The following OMA1 variants were observed in gnomAD, a reference collection of about 807,000 sequenced individuals.
OMA1 encodes the protein OMA1 zinc metallopeptidase, also known as metalloendopeptidase OMA1, mitochondrial.
Under a neutral mutation model 30.9 loss-of-function variants are expected in OMA1, and 38 were observed. The observed-to-expected ratio is 1.23, with a 90% confidence interval of 0.95 to 1.61. The LOEUF (loss-of-function observed/expected upper bound fraction) is 1.61. Ranked by LOEUF, OMA1 falls within the 40% of genes most tolerant of loss-of-function variation. The pLI, the probability that OMA1 is intolerant of heterozygous loss-of-function variation, is 0.00. For missense variants in OMA1, 461 were observed against 349.2 expected (o/e 1.32, Z -2.55); for synonymous variants, 173 against 121.9 (o/e 1.42, Z -2.76).
chr1:58,539,489 A>G (rs534372684), intron 1 of OMA1, among the ~76,000 whole-genome samples, 179 bp from the exon 2 acceptor site: 25 of 152,224 alleles, frequency 1.6e-4, no homozygotes, highest in Middle Eastern at 3.2e-3. Flanking sequence ...ACCAGAGTAT[A>G]TATACCACGA....
At chr1:58,485,440 G>A (rs1645561233) in intron 8 of OMA1, among the ~76,000 whole-genome samples, 1 of 151,796 alleles carries the variant, frequency 6.6e-6, no homozygotes, top group Non-Finnish European at 1.5e-5. Flanking sequence ...AACACTATAT[G>A]TTCTTCATAC....
chr1:58,535,271 C>CT (rs1481450190), intron 3 of OMA1, among the ~76,000 whole-genome samples: 2 of 152,114 alleles, frequency 1.3e-5, no homozygotes, highest in African/African-American at 4.8e-5. Flanking sequence ...TGAAATATTA[C>CT]TTTAACTTTC....
At chr1:58,526,012 A>G (rs959600992) in intron 7 of OMA1, among the ~76,000 whole-genome samples, 6 of 152,098 alleles carry the variant, frequency 3.9e-5, no homozygotes, top group Non-Finnish European at 8.8e-5. Context: ...GAAAAAAAAG[A>G]TGTTGCCCTC....
chr1:58,528,401 T>C (rs1646383862), intron 6 of OMA1, among the ~76,000 whole-genome samples: 1 of 152,174 alleles, frequency 6.6e-6, no homozygotes, highest in Admixed American at 6.6e-5. Context: ...CAGAGGGGAT[T>C]AAATGAACAA....
intron 8 of OMA1, among the ~76,000 whole-genome samples, chr1:58,503,709 G>C (rs112288656): frequency 6.6e-6 from 1 of 152,046 alleles, no homozygotes; most frequent in African/African-American, 2.4e-5. Flanking sequence ...TATGAGCTGG[G>C]AAGTGGGCCC....
At position 58,536,505 on chromosome 1, in the gene OMA1, C is replaced by G; in HGVS notation, c.729+8G>C. ...GCAGTCTAATTAAAAACAACTCTTA[C>G]TACTTACTGCTTCATATTCCAGTTC... On this transcript the variant is annotated splice_region_variant and intron_variant, in intron 3 of 8. Transcript: ENST00000371226. The G allele has an allele frequency of 1.2e-6, 1 of 865,990 alleles. No individual in the cohort carries two copies. Among genetic ancestry groups the G allele is most frequent in the Non-Finnish European group, 2.0e-6 (1 of 496,324 alleles). The allele number at this position is 865,990 out of a possible 1,614,324, so 53.6% of individuals were successfully genotyped here.
At chr1:58,499,839 T>C (rs1431196842) in intron 8 of OMA1, among the ~76,000 whole-genome samples, 2 of 151,994 alleles carry the variant, frequency 1.3e-5, no homozygotes, top group Non-Finnish European at 2.9e-5. Context: ...GCTATATTTA[T>C]TCCCAGTAAC....
At chr1:58,504,690 CCTAA>C (rs1311831719) in intron 8 of OMA1, among the ~76,000 whole-genome samples, 4 of 152,172 alleles carry the variant, frequency 2.6e-5, no homozygotes, top group Non-Finnish European at 4.4e-5. Context: ...TATCGATCTA[CCTAA>C]TGAATGAATA....
At chr1:58,508,478 A>G (rs968915666) in intron 7 of OMA1, among the ~76,000 whole-genome samples, 4 of 152,190 alleles carry the variant, frequency 2.6e-5, no homozygotes, top group African/African-American at 9.7e-5. Flanking sequence ...GAAATGAACA[A>G]CATCAAACCT....
intron 1 of OMA1, among the ~76,000 whole-genome samples, chr1:58,540,489 AC>A (rs1646589251): frequency 6.6e-6 from 1 of 151,890 alleles, no homozygotes; most frequent in Non-Finnish European, 1.5e-5. Context: ...ACTATACTGC[AC>A]ATGTTTAAGA....
intron 5 of OMA1, among the ~76,000 whole-genome samples, chr1:58,531,151 G>A (rs1258618058): frequency 6.6e-6 from 1 of 152,046 alleles, no homozygotes; most frequent in East Asian, 1.9e-4. Context: ...TAATATAGTT[G>A]CATCATTTTA....
chr1:58,496,682 C>CT (rs1645808573), intron 8 of OMA1, among the ~76,000 whole-genome samples: 1 of 152,132 alleles, frequency 6.6e-6, no homozygotes, highest in Non-Finnish European at 1.5e-5. Context: ...CCTTTCAACT[C>CT]TGTTTTTCCA....
intron 8 of OMA1, among the ~76,000 whole-genome samples, chr1:58,490,269 C>A (rs1396905193): frequency 6.6e-6 from 1 of 152,174 alleles, no homozygotes; most frequent in African/African-American, 2.4e-5. Context: ...AGCTGAAAAC[C>A]ATGGCACAAG....
chr1:58,533,672 T>C (rs919083942), intron 5 of OMA1, among the ~76,000 whole-genome samples: 1 of 152,158 alleles, frequency 6.6e-6, no homozygotes, highest in African/African-American at 2.4e-5. Flanking sequence ...AAAATTTAAT[T>C]TGAAATAATT....
chr1:58,536,045 C>CA (rs1646511368), intron 3 of OMA1, among the ~76,000 whole-genome samples: 1 of 151,784 alleles, frequency 6.6e-6, no homozygotes, highest in African/African-American at 2.4e-5. Flanking sequence ...GAAAGACAAT[C>CA]AAAAAAATAA....
intron 7 of OMA1, among the ~76,000 whole-genome samples, chr1:58,508,602 A>T (rs919286291): frequency 6.6e-6 from 1 of 152,172 alleles, no homozygotes; most frequent in African/African-American, 2.4e-5. Flanking sequence ...TCCTTGGGGA[A>T]GGAAAAACTT....
intron 2 of OMA1, among the ~76,000 whole-genome samples, chr1:58,538,327 C>G (rs1399260475): frequency 6.6e-6 from 1 of 152,190 alleles, no homozygotes; most frequent in Non-Finnish European, 1.5e-5. Context: ...TAAGAGTTAA[C>G]TAGGAGTGAG....
intron 8 of OMA1, among the ~76,000 whole-genome samples, chr1:58,496,329 G>A: frequency 6.6e-6 from 1 of 152,022 alleles, no homozygotes; most frequent in East Asian, 1.9e-4. Context: ...ACAATTTTCT[G>A]AAATGGATTT....
intron 7 of OMA1, among the ~76,000 whole-genome samples, chr1:58,509,753 A>G (rs896807343): frequency 5.3e-5 from 8 of 151,776 alleles, no homozygotes; most frequent in African/African-American, 1.9e-4. Context: ...AAGTCGTTAG[A>G]GTAAGAAAAA....
Sources: gnomAD v4.1 joint callset for allele counts (sites outside exome capture counted in the v4.1 genomes callset) on GRCh38, gnomAD v4.1.1 for gene constraint, MANE v1.5 for transcripts, NCBI Gene and HGNC (gene_info 2026-07-23, HGNC 2026-07-21) for gene names.